Variants in CCDC15 observed in about 807,000 individuals in gnomAD.
CCDC15 encodes the protein coiled-coil domain-containing protein 15.
Under a neutral mutation model 114.5 loss-of-function variants are expected in CCDC15, and 105 were observed. The ratio of observed to expected loss-of-function variants is 0.92; its 90% CI spans 0.78 to 1.08. The LOEUF (loss-of-function observed/expected upper bound fraction) is 1.08, where lower values mean the gene tolerates loss of function less well. Ranked by LOEUF, CCDC15 falls within the 50% of genes least tolerant of loss-of-function variation. CCDC15 has a pLI of 0.00. For missense variants in CCDC15, 1,105 were observed against 1,093.6 expected (o/e 1.01, Z -0.15); for synonymous variants, 334 against 377.8 (o/e 0.88, Z 1.34).
intron 13 of CCDC15, among the ~76,000 whole-genome samples, chr11:125,037,262 A>G (rs1948781612): frequency 6.6e-6 from 1 of 152,216 alleles, no homozygotes. Context: ...TACTGCTCAG[A>G]TAAGATCATT....
At chr11:125,025,781 G>A (rs1948698283) in intron 13 of CCDC15, among the ~76,000 whole-genome samples, 1 of 151,674 alleles carries the variant, frequency 6.6e-6, no homozygotes. Flanking sequence ...TTATATTTTT[G>A]ATATATGTAG....
At chr11:124,991,133 T>C (rs1203787036) in intron 8 of CCDC15, among the ~76,000 whole-genome samples, 2 of 152,178 alleles carry the variant, frequency 1.3e-5, no homozygotes, top group Non-Finnish European at 2.9e-5. Context: ...TTTTGATAGG[T>C]AGGAGAGGGA....
intron 13 of CCDC15, among the ~76,000 whole-genome samples, chr11:125,010,089 A>T (rs573263464): frequency 6.6e-6 from 1 of 152,310 alleles, no homozygotes; most frequent in South Asian, 2.1e-4. Context: ...CTGAACTAAC[A>T]AACCGCTTTC....
intron 13 of CCDC15, among the ~76,000 whole-genome samples, chr11:125,014,134 T>C (rs940837168): frequency 6.6e-6 from 1 of 152,170 alleles, no homozygotes; most frequent in Non-Finnish European, 1.5e-5. Flanking sequence ...AATATACATA[T>C]CAGGCTTTCA....
intron 13 of CCDC15, among the ~76,000 whole-genome samples, chr11:125,006,752 TC>T (rs963496957): frequency 5.9e-5 from 9 of 152,190 alleles, no homozygotes; most frequent in African/African-American, 2.2e-4. Context: ...GTCCAGTTGT[TC>T]CAGCACCATT....
chr11:124,959,880 T>C lies in CCDC15; in HGVS notation c.393T>C (p.Ser131=), dbSNP rs958345633. 1 of 1,597,154 alleles carries C rather than the reference T, an allele frequency of 6.3e-7. No individual in the cohort carries two copies. The highest frequency in any genetic ancestry group is 1.1e-5 in the South Asian group (1 of 88,232). ...SATHLTSKRT[S]VFPNNLNVAI... ...CACACTTAACTTCCAAAAGGACAAG[T>C]GTTTTTCCAAACAATTTGAATGTTG... Residue 131 remains serine (S), a synonymous_variant, in exon 4 of 16, where the codon AGT becomes AGC. Transcript: ENST00000344762.
At chr11:124,977,931 A>G (rs1405965004) in intron 6 of CCDC15, among the ~76,000 whole-genome samples, 9 of 152,102 alleles carry the variant, frequency 5.9e-5, no homozygotes, top group Admixed American at 2.6e-4. Flanking sequence ...TGCATGTTAC[A>G]GGGGTTTGGT....
rs1374312825 is a variant in CCDC15 at position 124,987,309 on chromosome 11, G to C, written c.1083G>C (p.Gln361His). ...TGIQSVKPDTQAVEMKVQVTE... is the reference protein window; with the variant it reads ...TGIQSVKPDTHAVEMKVQVTE... ...TCCAGAGTGTTAAGCCAGATACCCA[G>C]GCTGTTGAAATGAAGGTTCAGGTTA... The change falls in exon 8 of 16, where the codon CAG becomes CAC. Residue 361 changes from glutamine (Q) to histidine (H), a missense_variant. Transcript: ENST00000344762. The C allele has an allele frequency of 3.7e-6, 6 of 1,612,662 alleles. No homozygotes were observed. Among genetic ancestry groups the C allele is most frequent in the Non-Finnish European group, 5.1e-6 (6 of 1,179,454 alleles).
chr11:125,023,074 ATT>A (rs1402376147), intron 13 of CCDC15, among the ~76,000 whole-genome samples: 2 of 151,866 alleles, frequency 1.3e-5, no homozygotes, highest in Non-Finnish European at 2.9e-5. Flanking sequence ...TTGATGACTT[ATT>A]TAACAAGTCT....
At chr11:125,002,080 T>C (rs1948490840) in intron 11 of CCDC15, among the ~76,000 whole-genome samples, 2 of 152,180 alleles carry the variant, frequency 1.3e-5, no homozygotes, top group East Asian at 3.8e-4. Flanking sequence ...TTATCTGTAT[T>C]TTTAATTATT....
chr11:124,997,416 A>C (rs1022016400), intron 11 of CCDC15, among the ~76,000 whole-genome samples: 5 of 152,088 alleles, frequency 3.3e-5, no homozygotes, highest in African/African-American at 1.2e-4. Flanking sequence ...CAGCCTCCTA[A>C]GTAGCTAGGA....
intron 13 of CCDC15, among the ~76,000 whole-genome samples, chr11:125,032,848 C>A (rs911501834): frequency 6.6e-5 from 10 of 152,196 alleles, no homozygotes; most frequent in Non-Finnish European, 2.9e-5. Flanking sequence ...ATTACCTCAC[C>A]TTCATAAGCC....
chr11:125,021,991 T>C (rs562417111), intron 13 of CCDC15, among the ~76,000 whole-genome samples: 3 of 152,090 alleles, frequency 2.0e-5, no homozygotes, highest in East Asian at 3.9e-4. Flanking sequence ...TTAACAAATA[T>C]GAATGTCTTC....
chr11:124,973,631 TA>T (rs1456715586), intron 4 of CCDC15, among the ~76,000 whole-genome samples: 1 of 152,096 alleles, frequency 6.6e-6, no homozygotes, highest in Non-Finnish European at 1.5e-5. Context: ...AAATTTATTT[TA>T]TTTTTTTTTA....
At chr11:125,007,816 T>C (rs112994476) in intron 13 of CCDC15, among the ~76,000 whole-genome samples, 1 of 152,190 alleles carries the variant, frequency 6.6e-6, no homozygotes, top group Non-Finnish European at 1.5e-5. Context: ...GTAAGTTCAG[T>C]TGATCCCCAG....
intron 13 of CCDC15, among the ~76,000 whole-genome samples, chr11:125,022,116 T>C (rs1948664547): frequency 6.6e-6 from 1 of 151,914 alleles, no homozygotes; most frequent in Non-Finnish European, 1.5e-5. Flanking sequence ...TTAATAGTTT[T>C]CTTTCATTCT....
intron 6 of CCDC15, among the ~76,000 whole-genome samples, chr11:124,978,089 A>G (rs1948006307): frequency 6.6e-6 from 1 of 152,124 alleles, no homozygotes; most frequent in African/African-American, 2.4e-5. Flanking sequence ...CCCGCTTGTA[A>G]GTTAGAACAT....
rs766832822 is a variant in CCDC15, at chr11:124,959,197, T to C, written c.260T>C (p.Val87Ala). ...QEALKHFQKQ[V>A]KYRVNQQIRL... ...GCTTTGAAACATTTTCAGAAACAAG[T>C]TAAATACCGAGTAAATCAACAAATT... The change falls in exon 3 of 16, where the codon GTT becomes GCT. Residue 87 changes from valine to alanine, a missense_variant. By Grantham distance (64) the Val-to-Ala change is moderately conservative. Coordinates refer to ENST00000344762, the MANE Select transcript of CCDC15 (RefSeq NM_025004.3). 1.9e-6 allele frequency: 3 copies of C among 1,592,294 alleles called. No homozygotes were observed. Among genetic ancestry groups the C allele is most frequent in the Middle Eastern group, 1.7e-4 (1 of 6,000 alleles).
intron 9 of CCDC15, 128 bp from the exon 10 acceptor site, chr11:124,992,452 A>G: frequency 1.6e-6 from 1 of 620,168 alleles, no homozygotes; most frequent in Non-Finnish European, 2.8e-6. Flanking sequence ...CCCTCATATC[A>G]AAACGTATCA....
Sources: allele counts gnomAD v4.1 joint callset (sites outside exome capture counted in the v4.1 genomes callset), GRCh38; gene constraint gnomAD v4.1.1; transcripts MANE v1.5; gene names NCBI Gene and HGNC (gene_info 2026-07-23, HGNC 2026-07-21).